CELF2: variants seen among roughly 807,000 people sequenced by gnomAD.
The protein encoded by CELF2 is CUG triplet repeat RNA-binding protein 2.
A neutral mutation model predicts 62.6 loss-of-function variants in CELF2; 8 were observed. The ratio of observed to expected loss-of-function variants is 0.13; its 90% confidence interval spans 0.07 to 0.23. The LOEUF is 0.23. Among genes scored for constraint, CELF2 ranks in the 10% least tolerant of loss-of-function variants. The pLI is 1.00. For synonymous variants in CELF2, 258 were observed against 250.0 expected (o/e 1.03, Z -0.30); for missense variants, 333 against 671.0 (o/e 0.50, Z 5.56).
chr10:10,819,403 G>A lies in CELF2; in HGVS notation c.53+20586G>A, dbSNP rs370236507. 3.3e-5 allele frequency among the ~76,000 whole-genome samples: 5 copies of A among 152,224 alleles called. No individual in the cohort carries two copies. In the South Asian group the frequency reaches 8.3e-4, roughly 25 times the overall value. On this transcript the variant is annotated intron_variant, in intron 1 of 13. Transcript: ENST00000636488. ...GCCTAGCTTTAGAGCCAGAAACCAC[G>A]AATTTTAGCATGAGTTTAGCGTGAA...
At chr10:10,471,941 A>G in the CELF2 span, among the ~76,000 whole-genome samples, 38 of 151,940 alleles carry the variant, frequency 2.5e-4, no homozygotes, top group African/African-American at 8.7e-4. Flanking sequence ...TCCAGGCTCC[A>G]TAATTTCTTA....
intron 1 of CELF2, among the ~76,000 whole-genome samples, chr10:10,816,659 T>G (rs113179919): frequency 4.2e-4 from 64 of 152,244 alleles, no homozygotes; most frequent in African/African-American, 1.4e-3. Context: ...CAATCCATTC[T>G]TCAGATGGGC....
intron 1 of CELF2, among the ~76,000 whole-genome samples, chr10:11,072,261 C>T (rs150034587): frequency 1.3e-5 from 2 of 152,268 alleles, no homozygotes; most frequent in African/African-American, 4.8e-5. Context: ...TGTACCTTCT[C>T]CTCCTCTCTC....
At chr10:10,786,052 C>A in the CELF2 span, among the ~76,000 whole-genome samples, 2 of 152,022 alleles carry the variant, frequency 1.3e-5, no homozygotes, top group African/African-American at 4.8e-5. Context: ...AAAATGTTTT[C>A]TGCAAGTGGA....
At chr10:11,002,513 G>A (rs1416205852), upstream of CELF2, among the ~76,000 whole-genome samples, 1 of 152,200 alleles carries the variant, frequency 6.6e-6, no homozygotes, top group Non-Finnish European at 1.5e-5. The surrounding 1 kb of genome is among the most constrained non-coding windows in gnomAD (Gnocchi z 4.4). Flanking sequence ...GCATTGGGTT[G>A]CATGTGGTGT....
intron 1 of CELF2, among the ~76,000 whole-genome samples, chr10:10,829,444 A>G (rs144526805): frequency 1.3e-5 from 2 of 152,318 alleles, no homozygotes; most frequent in African/African-American, 4.8e-5. Context: ...GAGACTCATG[A>G]TCTATTATGT....
At chr10:10,643,344 G>A in the CELF2 span, among the ~76,000 whole-genome samples, 1 of 152,076 alleles carries the variant, frequency 6.6e-6, no homozygotes, top group East Asian at 1.9e-4. Context: ...TTCTCTTGGT[G>A]GTGAGTAAGT....
rs193149474 is a variant in CELF2, at chr10:11,200,882, A to G, written c.272-16543A>G. ...TACAAGTTGTTTTCCCTCTGAGCAA[A>G]TGAAATTTGAGAATTGTTCATCAGT... On this transcript the variant is annotated intron_variant, in intron 2 of 12. Coordinates refer to ENST00000633077, the MANE Select transcript of CELF2 (RefSeq NM_001326342.2). 2.0e-3 allele frequency among the ~76,000 whole-genome samples: 310 copies of G among 152,362 alleles called. 2 individuals are homozygous for G. The highest frequency in any genetic ancestry group is 0.019 in the Admixed American group (288 of 15,306).
chr10:10,708,626 T>C, the CELF2 span, among the ~76,000 whole-genome samples: 1 of 152,198 alleles, frequency 6.6e-6, no homozygotes, highest in Non-Finnish European at 1.5e-5. Flanking sequence ...AAAAGGGTTA[T>C]AGATTATTCT....
intron 1 of CELF2, among the ~76,000 whole-genome samples, chr10:11,091,852 T>G (rs1340875665): frequency 6.6e-6 from 1 of 152,234 alleles, no homozygotes; most frequent in East Asian, 1.9e-4. Context: ...TGAACGATTC[T>G]CACAGATATA....
At chr10:10,558,870 A>T in the CELF2 span, among the ~76,000 whole-genome samples, 1 of 151,992 alleles carries the variant, frequency 6.6e-6, no homozygotes, top group South Asian at 2.1e-4. Flanking sequence ...TTCACTGGGC[A>T]CATGTGACTG....
chr10:11,297,058 T>G lies in CELF2; in HGVS notation c.976+8506T>G, dbSNP rs2093264986. ...GCCCAAGAATGATAGACTTCCTGTG[T>G]GACTGGACTGAGGCACCCATTTGAT... On this transcript the variant is annotated intron_variant, in intron 9 of 12. Coordinates refer to ENST00000633077, the MANE Select transcript of CELF2 (RefSeq NM_001326342.2). The surrounding 1 kb of genome is among the most constrained non-coding windows in gnomAD (Gnocchi z 4.4). 6.6e-6 allele frequency among the ~76,000 whole-genome samples: 1 copy of G among 152,100 alleles called. No individual in the cohort carries two copies. The highest frequency in any genetic ancestry group is 2.4e-5 in the African/African-American group (1 of 41,410).
At chr10:11,175,108 C>G (rs1019830034) in intron 2 of CELF2, among the ~76,000 whole-genome samples, 9 of 152,140 alleles carry the variant, frequency 5.9e-5, no homozygotes, top group Non-Finnish European at 1.0e-4. Context: ...GCACCAGACA[C>G]CAAGTGTTAC....
the CELF2 span, among the ~76,000 whole-genome samples, chr10:10,609,946 T>A: frequency 2.0e-5 from 3 of 152,234 alleles, no homozygotes; most frequent in Non-Finnish European, 2.9e-5. Context: ...AATTCACTAA[T>A]CACTGTGGTT....
At chr10:11,036,208 A>G (rs2060921503) in intron 1 of CELF2, among the ~76,000 whole-genome samples, 1 of 152,212 alleles carries the variant, frequency 6.6e-6, no homozygotes, top group Non-Finnish European at 1.5e-5. Flanking sequence ...TAATTTTAGG[A>G]TCATTTCTCT....
chr10:11,119,763 A>G (rs1267506053), intron 1 of CELF2, among the ~76,000 whole-genome samples: 1 of 151,978 alleles, frequency 6.6e-6, no homozygotes, highest in Non-Finnish European at 1.5e-5. Flanking sequence ...CTCCCCCTAT[A>G]ATGATCAAGG....
At chr10:11,100,220 T>TA (rs750893719) in intron 1 of CELF2, among the ~76,000 whole-genome samples, 1 of 120,322 alleles carries the variant, frequency 8.3e-6, no homozygotes, top group South Asian at 2.5e-4. Flanking sequence ...AATAAATAAA[T>TA]AAAATAAATA....
At chr10:10,631,257 C>G in the CELF2 span, among the ~76,000 whole-genome samples, 2 of 152,162 alleles carry the variant, frequency 1.3e-5, no homozygotes, top group African/African-American at 2.4e-5. Context: ...TCTGAACAAA[C>G]TAAACCAGGG....
chr10:11,171,338 T>G (rs2068800613), intron 2 of CELF2: 1 of 152,220 alleles, frequency 6.6e-6, no homozygotes, highest in South Asian at 2.1e-4. Context: ...CAGGCTGCAG[T>G]GAGGGTTACA....
Sources: gnomAD v4.1 joint callset for allele counts (sites outside exome capture counted in the v4.1 genomes callset) on GRCh38, gnomAD v4.1.1 for gene constraint, Gnocchi (gnomAD v3.1) non-coding constraint, MANE v1.5 for transcripts, NCBI Gene and HGNC (gene_info 2026-07-23, HGNC 2026-07-21) for gene names.